The following NRG1 variants were observed in gnomAD, a reference collection of about 807,000 sequenced individuals.
The protein encoded by NRG1 is pro-neuregulin-1, membrane-bound isoform.
A neutral mutation model predicts 63.8 loss-of-function variants in NRG1; 18 were observed. The ratio of observed to expected loss-of-function variants is 0.28; its 90% CI spans 0.19 to 0.42. The LOEUF (loss-of-function observed/expected upper bound fraction) is 0.42. Among genes scored for constraint, NRG1 ranks in the 10% least tolerant of loss-of-function variants. The probability of loss-of-function intolerance (pLI) is 1.00; values close to 1 mark genes in which losing one functional copy is unlikely to be tolerated. For synonymous variants in NRG1, 302 were observed against 301.3 expected (o/e 1.00, Z -0.02); for missense variants, 762 against 814.7 (o/e 0.94, Z 0.79).
intron 1 of NRG1, among the ~76,000 whole-genome samples, chr8:32,292,871 C>T (rs548407061): frequency 6.6e-6 from 1 of 152,078 alleles, no homozygotes; most frequent in African/African-American, 2.4e-5. Context: ...CTTGGGAGGC[C>T]AAGGCAGGCT....
intron 1 of NRG1, among the ~76,000 whole-genome samples, chr8:31,822,582 A>G (rs1489796770): frequency 1.3e-5 from 2 of 152,216 alleles, no homozygotes; most frequent in African/African-American, 4.8e-5. Flanking sequence ...TCTAAAAGGC[A>G]AAGTGTTTTT....
intron 1 of NRG1, among the ~76,000 whole-genome samples, chr8:31,741,996 G>T (rs577598316): frequency 6.6e-6 from 1 of 152,136 alleles, no homozygotes; most frequent in South Asian, 2.1e-4. Flanking sequence ...CAGATAGATA[G>T]GAGTGCTATA....
intron 1 of NRG1, among the ~76,000 whole-genome samples, chr8:32,088,680 G>T (rs553197213): frequency 1.3e-5 from 2 of 152,076 alleles, no homozygotes; most frequent in South Asian, 4.2e-4. Flanking sequence ...ACCATGCCCA[G>T]CTAATTTTTT....
At chr8:31,644,128 A>G (rs1482617212) in intron 1 of NRG1, among the ~76,000 whole-genome samples, 2 of 152,242 alleles carry the variant, frequency 1.3e-5, no homozygotes, top group African/African-American at 4.8e-5. Context: ...TCCAGTCAGC[A>G]TTAAAGAAAA....
At chr8:32,447,788 A>T (rs1820450163) in intron 1 of NRG1, among the ~76,000 whole-genome samples, 1 of 151,662 alleles carries the variant, frequency 6.6e-6, no homozygotes. Flanking sequence ...TGGGAGGATC[A>T]CTTGAACCAG....
At chr8:32,275,723 C>A (rs891212431) in intron 1 of NRG1, among the ~76,000 whole-genome samples, 3 of 152,008 alleles carry the variant, frequency 2.0e-5, no homozygotes, top group African/African-American at 7.2e-5. Context: ...TGCGCAAATC[C>A]CCCAGGGATC....
intron 8 of NRG1, among the ~76,000 whole-genome samples, chr8:32,755,597 A>C (rs1212575019): frequency 6.6e-6 from 1 of 152,190 alleles, no homozygotes; most frequent in Non-Finnish European, 1.5e-5. Flanking sequence ...ATTGTGCCAA[A>C]ATCCGCTGGC....
chr8:32,410,404 C>T (rs1440400078), intron 1 of NRG1, among the ~76,000 whole-genome samples: 4 of 151,526 alleles, frequency 2.6e-5, no homozygotes, highest in Non-Finnish European at 4.4e-5. Flanking sequence ...TGGGCTCAAG[C>T]GATCTACCCT....
At chr8:31,984,385 A>G (rs965820289) in intron 1 of NRG1, among the ~76,000 whole-genome samples, 4 of 152,112 alleles carry the variant, frequency 2.6e-5, no homozygotes, top group African/African-American at 9.7e-5. Flanking sequence ...CTTTCTCAAG[A>G]CCTACTTAAT....
chr8:32,310,654 C>T (rs373373610), intron 1 of NRG1, among the ~76,000 whole-genome samples: 3 of 152,126 alleles, frequency 2.0e-5, no homozygotes, highest in Admixed American at 2.0e-4. Flanking sequence ...TTAGAAGGAA[C>T]AAAGAAAAGA....
At chr8:31,663,054 G>A (rs766160487) in intron 1 of NRG1, among the ~76,000 whole-genome samples, 10 of 152,182 alleles carry the variant, frequency 6.6e-5, no homozygotes, top group Admixed American at 2.0e-4. Flanking sequence ...CTTGTCTTCC[G>A]TGCTCACTGC....
At chr8:32,180,998 T>C (rs1585893259) in intron 1 of NRG1, among the ~76,000 whole-genome samples, 2 of 152,228 alleles carry the variant, frequency 1.3e-5, no homozygotes, top group South Asian at 4.1e-4. Flanking sequence ...AGTGAGATTA[T>C]GTGGTATTTG....
chr8:32,292,856 A>G (rs1405077526), intron 1 of NRG1, among the ~76,000 whole-genome samples: 1 of 152,194 alleles, frequency 6.6e-6, no homozygotes, highest in African/African-American at 2.4e-5. Context: ...CTGTAATCCC[A>G]GCACCTTGGG....
intron 1 of NRG1, among the ~76,000 whole-genome samples, chr8:32,112,277 A>T (rs1832129660): frequency 6.6e-6 from 1 of 152,198 alleles, no homozygotes; most frequent in Non-Finnish European, 1.5e-5. Flanking sequence ...TTCCTGATTT[A>T]ATTGCTAGGA....
intron 1 of NRG1, among the ~76,000 whole-genome samples, chr8:31,753,309 G>C (rs1816665717): frequency 6.6e-6 from 1 of 151,688 alleles, no homozygotes; most frequent in Non-Finnish European, 1.5e-5. Flanking sequence ...CAGCAAAAAT[G>C]AACTCTTATG....
intron 1 of NRG1, 81 bp downstream of exon 1, chr8:32,548,907 C>T (rs1833520511): frequency 1.4e-6 from 2 of 1,444,584 alleles, no homozygotes; most frequent in Admixed American, 4.8e-5. Context: ...GCCGTGGCCT[C>T]TCCCTCCCCC....
At chr8:31,765,417 G>T (rs907746078) in intron 1 of NRG1, among the ~76,000 whole-genome samples, 5 of 152,146 alleles carry the variant, frequency 3.3e-5, no homozygotes, top group Non-Finnish European at 2.9e-5. Context: ...TCTGAGAATA[G>T]TGAGGAAGCA....
chr8:32,495,404 G>C (rs986059818), intron 1 of NRG1, among the ~76,000 whole-genome samples: 1 of 152,156 alleles, frequency 6.6e-6, no homozygotes, highest in Non-Finnish European at 1.5e-5. Context: ...CAGCCATGTG[G>C]AACTGTGAGT....
intron 1 of NRG1, among the ~76,000 whole-genome samples, chr8:32,009,440 A>G (rs1814369671): frequency 1.3e-5 from 2 of 152,064 alleles, no homozygotes; most frequent in African/African-American, 4.8e-5. Flanking sequence ...AGCAGTGAAC[A>G]AAACAGGCCA....
Sources: gnomAD v4.1 joint callset for allele counts (sites outside exome capture counted in the v4.1 genomes callset) on GRCh38, gnomAD v4.1.1 for gene constraint, MANE v1.5 for transcripts, NCBI Gene and HGNC (gene_info 2026-07-23, HGNC 2026-07-21) for gene names.